Variants in HHAT observed in about 807,000 individuals in gnomAD.
HHAT encodes protein-cysteine N-palmitoyltransferase HHAT.
HHAT carries 47 observed loss-of-function variants against 70.8 expected under a neutral mutation model. The ratio of observed to expected loss-of-function variants is 0.66; its 90% CI spans 0.53 to 0.85. The LOEUF is 0.85. HHAT is among the 40% of genes least tolerant of loss of function. The probability of loss-of-function intolerance (pLI) is 0.00; values close to 1 mark genes in which losing one functional copy is unlikely to be tolerated. For missense variants in HHAT, 609 were observed against 604.8 expected, an observed-to-expected ratio of 1.01 and a Z score of -0.07; for synonymous variants, 228 against 247.6, an observed-to-expected ratio of 0.92 and a Z score of 0.74.
intron 1 of HHAT, among the ~76,000 whole-genome samples, chr1:210,340,771 A>G (rs988709655): frequency 1.3e-5 from 2 of 152,194 alleles, no homozygotes; most frequent in Non-Finnish European, 2.9e-5. Context: ...TTACATTTAG[A>G]CCACTTATAT....
intron 11 of HHAT, among the ~76,000 whole-genome samples, chr1:210,642,225 A>G (rs1215437747): frequency 6.6e-6 from 1 of 152,244 alleles, no homozygotes; most frequent in East Asian, 1.9e-4. Context: ...ATTGTTATGT[A>G]TAGCAATAGT....
At chr1:210,637,582 C>T (rs1672111902) in intron 11 of HHAT, among the ~76,000 whole-genome samples, 1 of 152,040 alleles carries the variant, frequency 6.6e-6, no homozygotes, top group Non-Finnish European at 1.5e-5. Flanking sequence ...AAATGGGCAA[C>T]CGGGCATGGT....
At chr1:210,482,038 A>G (rs1471693587) in intron 8 of HHAT, among the ~76,000 whole-genome samples, 31 of 152,252 alleles carry the variant, frequency 2.0e-4, no homozygotes, top group African/African-American at 7.5e-4. Context: ...TGTAAGCGAT[A>G]GTTCATTCTT....
intron 10 of HHAT, among the ~76,000 whole-genome samples, chr1:210,605,400 A>G (rs1665186152): frequency 6.6e-6 from 1 of 152,130 alleles, no homozygotes; most frequent in African/African-American, 2.4e-5. Flanking sequence ...CATTCACTTC[A>G]TGTCTCTTTG....
chr1:210,634,665 TG>T (rs1671527535), intron 11 of HHAT, among the ~76,000 whole-genome samples: 1 of 152,192 alleles, frequency 6.6e-6, no homozygotes, highest in Non-Finnish European at 1.5e-5. Context: ...TTCCTGATCT[TG>T]TTGTTTTTCT....
chr1:210,627,341 G>C (rs772941637), intron 11 of HHAT, among the ~76,000 whole-genome samples: 13 of 152,202 alleles, frequency 8.5e-5, no homozygotes, highest in Non-Finnish European at 1.5e-4. Context: ...GATGTGCCTA[G>C]AAGTATCTCA....
At position 210,436,700 on chromosome 1, in the gene HHAT, A is replaced by G. The variant is rs115907703; in HGVS notation, c.856+18375A>G. Among the ~76,000 whole-genome samples, 1,110 of 151,870 alleles carry G rather than the reference A, an allele frequency of 7.3e-3. 33 individuals are homozygous for G. The highest frequency in any genetic ancestry group is 0.026 in the African/African-American group (1,075 of 41,158). On this transcript the variant is annotated intron_variant, in intron 7 of 11. Coordinates refer to ENST00000261458, the MANE Select transcript of HHAT (RefSeq NM_018194.6). ...GTCCTGCTGTTGTCTTCCATTAACCAGTAGACATGGCAATACTAGGTGATA... is the reference window on the plus strand; with the variant it reads ...GTCCTGCTGTTGTCTTCCATTAACCGGTAGACATGGCAATACTAGGTGATA...
chr1:210,356,392 T>G (rs1238456737), intron 2 of HHAT, among the ~76,000 whole-genome samples: 1 of 152,080 alleles, frequency 6.6e-6, no homozygotes, highest in Admixed American at 6.5e-5. Flanking sequence ...GCTTTTTTTT[T>G]CATTTTTTTA....
intron 11 of HHAT, among the ~76,000 whole-genome samples, chr1:210,673,072 A>G (rs1680407144): frequency 1.3e-5 from 2 of 152,194 alleles, no homozygotes; most frequent in Admixed American, 1.3e-4. Context: ...CAAAAATTTA[A>G]ATTTATAAAG....
At chr1:210,540,592 A>G (rs2095420571) in intron 9 of HHAT, among the ~76,000 whole-genome samples, 1 of 151,948 alleles carries the variant, frequency 6.6e-6, no homozygotes, top group African/African-American at 2.4e-5. Context: ...ATATATATAG[A>G]AAACACACAC....
intron 3 of HHAT, among the ~76,000 whole-genome samples, chr1:210,374,518 A>G (rs2090018871): frequency 6.6e-6 from 1 of 152,174 alleles, no homozygotes; most frequent in Non-Finnish European, 1.5e-5. Flanking sequence ...ACACCTTGTT[A>G]TTCACCGGGT....
At chr1:210,530,396 A>G (rs542661556) in intron 9 of HHAT, among the ~76,000 whole-genome samples, 19 of 152,106 alleles carry the variant, frequency 1.2e-4, no homozygotes, top group Non-Finnish European at 2.4e-4. Context: ...CTCATTTGCT[A>G]TGAATCATAA....
intron 8 of HHAT, among the ~76,000 whole-genome samples, chr1:210,511,168 A>G (rs543458670): frequency 1.3e-5 from 2 of 152,326 alleles, no homozygotes; most frequent in South Asian, 2.1e-4. Flanking sequence ...AGAACTTAGC[A>G]TCTTATCCAG....
At chr1:210,491,423 C>T (rs982664652) in intron 8 of HHAT, among the ~76,000 whole-genome samples, 5 of 152,154 alleles carry the variant, frequency 3.3e-5, no homozygotes, top group African/African-American at 1.2e-4. Flanking sequence ...GGTGGGAAGG[C>T]AGTAGTTACG....
At position 210,477,798 on chromosome 1, in the gene HHAT, C is replaced by T. The variant is rs532306135; in HGVS notation, c.1007+13143C>T. ...TTGCTGCATTATTTTAATCGAGGTT[C>T]TTCAGCTGGGAGTGGGGAACAGGGT... On this transcript the variant is annotated intron_variant, in intron 8 of 11. Coordinates refer to ENST00000261458, the MANE Select transcript of HHAT (RefSeq NM_018194.6). 4.6e-5 allele frequency among the ~76,000 whole-genome samples: 7 copies of T among 152,234 alleles called. No homozygotes were observed. The South Asian group carries it at 1.5e-3, about 32-fold the overall frequency.
intron 2 of HHAT, among the ~76,000 whole-genome samples, chr1:210,362,236 C>CTTTTTTTTTTTTT (rs72236593): frequency 2.1e-5 from 3 of 139,674 alleles, no homozygotes; most frequent in Non-Finnish European, 3.1e-5. Context: ...GTCAAAATTT[C>CTTTTTTTTTTTTT]TTTTTTTTTT....
chr1:210,332,209 G>A (rs1031652769), intron 1 of HHAT, among the ~76,000 whole-genome samples: 2 of 152,198 alleles, frequency 1.3e-5, no homozygotes, highest in Non-Finnish European at 2.9e-5. Flanking sequence ...CGTAGCAGTC[G>A]CTCTGCCCAA....
chr1:210,358,775 T>A (rs1302430322), intron 2 of HHAT, among the ~76,000 whole-genome samples: 1 of 152,146 alleles, frequency 6.6e-6, no homozygotes, highest in African/African-American at 2.4e-5. Flanking sequence ...GGTGTGTGTG[T>A]GTATGTGTTT....
chr1:210,497,717 C>G (rs996209696), intron 8 of HHAT, among the ~76,000 whole-genome samples: 1 of 151,888 alleles, frequency 6.6e-6, no homozygotes, highest in Admixed American at 6.6e-5. Flanking sequence ...CTGTAGAGGC[C>G]CATTTGTTCT....
Sources: gnomAD v4.1 joint callset for allele counts (sites outside exome capture counted in the v4.1 genomes callset) on GRCh38, gnomAD v4.1.1 for gene constraint, MANE v1.5 for transcripts, NCBI Gene and HGNC (gene_info 2026-07-23, HGNC 2026-07-21) for gene names.